ATP2B2: variants seen among roughly 807,000 people sequenced by gnomAD.
ATP2B2 encodes the protein ATPase plasma membrane Ca2+ transporting 2.
A neutral mutation model predicts 120.0 loss-of-function variants in ATP2B2; 15 were observed. The ratio of observed to expected loss-of-function variants is 0.12; its 90% confidence interval spans 0.08 to 0.19. ATP2B2 has a LOEUF of 0.19. Ranked by LOEUF, ATP2B2 falls within the 10% of genes least tolerant of loss-of-function variation. ATP2B2 has a pLI of 1.00. For synonymous variants in ATP2B2, 694 were observed against 700.3 expected (o/e 0.99, Z 0.14); for missense variants, 1,045 against 1,719.8 (o/e 0.61, Z 6.94).
intron 1 of ATP2B2, among the ~76,000 whole-genome samples, chr3:10,693,252 A>G (rs114636127): frequency 4.1e-4 from 63 of 152,332 alleles, no homozygotes; most frequent in Non-Finnish European, 6.9e-4. Flanking sequence ...AAAGTCATGG[A>G]TATTCAACGC....
chr3:10,448,686 A>G (rs1245867436), intron 2 of ATP2B2, among the ~76,000 whole-genome samples: 2 of 152,254 alleles, frequency 1.3e-5, no homozygotes, highest in East Asian at 1.9e-4. Flanking sequence ...TATCACATCC[A>G]TCTTCCTACT....
At chr3:10,656,044 G>A (rs1019115191) in intron 1 of ATP2B2, among the ~76,000 whole-genome samples, 6 of 152,200 alleles carry the variant, frequency 3.9e-5, no homozygotes, top group South Asian at 2.1e-4. Context: ...AGTCTTCAGC[G>A]TCCACAGGGG....
intron 1 of ATP2B2, among the ~76,000 whole-genome samples, chr3:10,696,667 C>T (rs893332429): frequency 3.3e-5 from 5 of 152,220 alleles, no homozygotes; most frequent in Admixed American, 6.5e-5. Flanking sequence ...CTTCTGATCC[C>T]TTTAGTCATT....
intron 2 of ATP2B2, among the ~76,000 whole-genome samples, chr3:10,549,531 A>G (rs906898207): frequency 2.0e-5 from 3 of 152,372 alleles, no homozygotes; most frequent in African/African-American, 7.2e-5. Context: ...GAACATTGGA[A>G]AGTGAGAGGC....
At chr3:10,633,572 T>TG (rs1330519033) in intron 1 of ATP2B2, among the ~76,000 whole-genome samples, 2 of 152,212 alleles carry the variant, frequency 1.3e-5, no homozygotes, top group African/African-American at 2.4e-5. Context: ...TGGTAATACA[T>TG]GGGGATAGAA....
At chr3:10,354,147 G>A (rs142497956) in intron 14 of ATP2B2, among the ~76,000 whole-genome samples, 78 of 152,212 alleles carry the variant, frequency 5.1e-4, no homozygotes, top group Admixed American at 1.4e-3. Flanking sequence ...CTCTATTCCT[G>A]AAGCCATTCC....
At chr3:10,606,961 GGAGAGA>G (rs1288819291) in intron 2 of ATP2B2, among the ~76,000 whole-genome samples, 4 of 91,292 alleles carry the variant, frequency 4.4e-5, no homozygotes, top group African/African-American at 8.6e-5. Context: ...GGGGAGGGGG[GGAGAGA>G]GAGAGAGAGA....
chr3:10,383,310 C>G (rs1003357297), intron 8 of ATP2B2, among the ~76,000 whole-genome samples: 2 of 152,128 alleles, frequency 1.3e-5, no homozygotes, highest in South Asian at 2.1e-4. Flanking sequence ...AAAGGTCTTG[C>G]AGTCAAATCA....
intron 1 of ATP2B2, among the ~76,000 whole-genome samples, chr3:10,487,723 G>A (rs779107271): frequency 7.9e-5 from 12 of 152,284 alleles, no homozygotes; most frequent in Admixed American, 2.0e-4. Flanking sequence ...AGAATTGGCC[G>A]TTAATGTTCA....
intron 1 of ATP2B2, among the ~76,000 whole-genome samples, chr3:10,683,760 G>GTGTGTATATATATATATATATATATA (rs1446781892): frequency 1.9e-5 from 1 of 53,888 alleles, no homozygotes; most frequent in Non-Finnish European, 3.8e-5. Context: ...GTGTGTGTGT[G>GTGTGTATATATATATATATATATATA]TATATATATA....
At chr3:10,569,841 C>A (rs904382364) in intron 2 of ATP2B2, among the ~76,000 whole-genome samples, 8 of 152,130 alleles carry the variant, frequency 5.3e-5, no homozygotes, top group Admixed American at 1.3e-4. Flanking sequence ...CTTTTTGGTC[C>A]CAGGCTTGCC....
chr3:10,569,269 C>T (rs12634836), intron 2 of ATP2B2, among the ~76,000 whole-genome samples: 7,618 of 152,112 alleles, frequency 0.05, 357 homozygotes, highest in East Asian at 0.27. Context: ...ATCCTGGCTA[C>T]GCAGGTGATA....
At chr3:10,590,609 G>C (rs2068621448) in intron 2 of ATP2B2, among the ~76,000 whole-genome samples, 1 of 152,140 alleles carries the variant, frequency 6.6e-6, no homozygotes, top group African/African-American at 2.4e-5. Context: ...AGCTGCTCTT[G>C]GATTCACTCT....
At chr3:10,678,587 G>C (rs1328954223) in intron 1 of ATP2B2, among the ~76,000 whole-genome samples, 1 of 152,164 alleles carries the variant, frequency 6.6e-6, no homozygotes, top group Non-Finnish European at 1.5e-5. Flanking sequence ...GTCTGTTTAT[G>C]AAGCCTGGGG....
In ATP2B2 at chr3:10,636,768, G is replaced by C. The variant is rs540341451; in HGVS notation, c.-459-16807C>G. ...ACTGGGGGGTACCCAGGTGGAGCCCGGTGGACTCTGAGTTGAGGAGATGGA... is the reference window on the plus strand; with the variant it reads ...ACTGGGGGGTACCCAGGTGGAGCCCCGTGGACTCTGAGTTGAGGAGATGGA... On this transcript the variant is annotated intron_variant, in intron 1 of 21. Coordinates refer to the ATP2B2 transcript ENST00000646379. Among the ~76,000 whole-genome samples the C allele has an allele frequency of 2.6e-5, 4 of 152,124 alleles. No homozygotes were observed. The East Asian group carries it at 7.7e-4, about 29-fold the overall frequency.
chr3:10,336,065 C>G, intron 22 of ATP2B2: 1 of 1,518,204 alleles, frequency 6.6e-7, no homozygotes, highest in Non-Finnish European at 8.9e-7. Flanking sequence ...GGTGCCCCAG[C>G]CCCTGCCCGC....
intron 12 of ATP2B2, among the ~76,000 whole-genome samples, chr3:10,370,526 C>T (rs1024063227): frequency 2.0e-5 from 3 of 152,226 alleles, no homozygotes; most frequent in Admixed American, 1.3e-4. Flanking sequence ...CTACTTTCCC[C>T]GTTGTCAGTT....
At chr3:10,628,158 C>G (rs957933174) in intron 1 of ATP2B2, among the ~76,000 whole-genome samples, 10 of 152,322 alleles carry the variant, frequency 6.6e-5, no homozygotes, top group African/African-American at 1.7e-4. Context: ...ATGGCAGAGG[C>G]CCGACAACCC....
chr3:10,467,965 A>G (rs1261777118), intron 1 of ATP2B2, among the ~76,000 whole-genome samples: 2 of 152,214 alleles, frequency 1.3e-5, no homozygotes, highest in Non-Finnish European at 2.9e-5. Context: ...GGCCAAGGTC[A>G]CAGAGCCAGG....
Sources: allele counts gnomAD v4.1 joint callset (sites outside exome capture counted in the v4.1 genomes callset), GRCh38; gene constraint gnomAD v4.1.1; transcripts MANE v1.5; gene names NCBI Gene and HGNC (gene_info 2026-07-23, HGNC 2026-07-21).